Variants in PPP3CA observed in about 807,000 individuals in gnomAD.
The protein encoded by PPP3CA is CAM-PRP catalytic subunit.
A neutral mutation model predicts 66.5 loss-of-function variants in PPP3CA; 14 were observed. The observed-to-expected ratio is 0.21, with a 90% CI of 0.14 to 0.33. The LOEUF is 0.33. Ranked by LOEUF, PPP3CA falls within the 10% of genes least tolerant of loss-of-function variation. The pLI is 1.00. For synonymous variants in PPP3CA, 232 were observed against 226.2 expected (o/e 1.03, Z -0.23); for missense variants, 317 against 639.5 (o/e 0.50, Z 5.44).
Position 101,095,194 on chromosome 4 carries a change from G to A in PPP3CA, c.643-1279C>T, listed in dbSNP as rs562129560. On this transcript the variant is annotated intron_variant, in intron 5 of 13. Coordinates refer to ENST00000394854, the MANE Select transcript of PPP3CA (RefSeq NM_000944.5). ...AGAGATTTAAATAATTTATGCTCTT[G>A]GAACAATACATTCAAGAAAAATAAT... Among the ~76,000 whole-genome samples the A allele has an allele frequency of 2.0e-5, 3 of 152,016 alleles. No individual in the cohort carries two copies. In the East Asian group the frequency reaches 5.8e-4, roughly 29 times the overall value.
chr4:101,051,949 T>C (rs968739511), intron 10 of PPP3CA, among the ~76,000 whole-genome samples: 2 of 152,248 alleles, frequency 1.3e-5, no homozygotes, highest in South Asian at 2.1e-4. Context: ...TTTTGTAATA[T>C]TACCTTACTG....
intron 2 of PPP3CA, among the ~76,000 whole-genome samples, chr4:101,138,248 T>C (rs895767192): frequency 1.7e-4 from 26 of 152,244 alleles, no homozygotes; most frequent in African/African-American, 6.0e-4. Flanking sequence ...GGCTTGAGCT[T>C]TGATATTTAC....
chr4:101,298,431 A>C (rs1331179141), intron 1 of PPP3CA, among the ~76,000 whole-genome samples: 1 of 151,522 alleles, frequency 6.6e-6, no homozygotes, highest in Non-Finnish European at 1.5e-5. Flanking sequence ...TTTTTCATTA[A>C]GTTATACAGA....
At chr4:101,027,042 T>C (rs528708103) in intron 13 of PPP3CA, among the ~76,000 whole-genome samples, 5 of 152,184 alleles carry the variant, frequency 3.3e-5, no homozygotes, top group Non-Finnish European at 7.4e-5. Flanking sequence ...GTAAGGCATT[T>C]GTACAAAAAA....
intron 1 of PPP3CA, among the ~76,000 whole-genome samples, chr4:101,212,123 T>C (rs1725316255): frequency 6.6e-6 from 1 of 152,186 alleles, no homozygotes; most frequent in South Asian, 2.1e-4. Context: ...TTCAGTGAAT[T>C]CCCACAGGAT....
At chr4:101,252,127 C>G (rs188655433) in intron 1 of PPP3CA, among the ~76,000 whole-genome samples, 3 of 152,112 alleles carry the variant, frequency 2.0e-5, no homozygotes, top group Non-Finnish European at 4.4e-5. Context: ...ATAAAGAAAG[C>G]GAGGTTTGAA....
chr4:101,191,354 AG>A (rs761384678), intron 2 of PPP3CA, among the ~76,000 whole-genome samples: 5 of 152,206 alleles, frequency 3.3e-5, no homozygotes, highest in Non-Finnish European at 7.3e-5. Flanking sequence ...AACAGATCAA[AG>A]GACTTTGGCT....
chr4:101,139,696 G>GT (rs372257350), intron 2 of PPP3CA, among the ~76,000 whole-genome samples: 28,201 of 98,986 alleles, frequency 0.28, 3,594 homozygotes, highest in South Asian at 0.41. Flanking sequence ...TTTTTTTTGT[G>GT]TTTTTTTTTT....
chr4:101,261,829 C>T (rs1424905591), intron 1 of PPP3CA, among the ~76,000 whole-genome samples: 1 of 151,692 alleles, frequency 6.6e-6, no homozygotes, highest in Non-Finnish European at 1.5e-5. Context: ...AACTTACAGT[C>T]AATGTGTGTT....
At chr4:101,267,307 T>C (rs1382701348) in intron 1 of PPP3CA, among the ~76,000 whole-genome samples, 1 of 152,206 alleles carries the variant, frequency 6.6e-6, no homozygotes, top group Non-Finnish European at 1.5e-5. Flanking sequence ...CAAGCCAATG[T>C]AACACATAAT....
At chr4:101,110,445 C>T (rs1353464018) in intron 2 of PPP3CA, among the ~76,000 whole-genome samples, 1 of 152,126 alleles carries the variant, frequency 6.6e-6, no homozygotes, top group Admixed American at 6.5e-5. Context: ...GCACTATAAG[C>T]ATGAAGTAGG....
chr4:101,150,400 T>C (rs1204917644), intron 2 of PPP3CA, among the ~76,000 whole-genome samples: 1 of 152,156 alleles, frequency 6.6e-6, no homozygotes, highest in Non-Finnish European at 1.5e-5. Context: ...ATAGAAGACA[T>C]AGGTAAAACA....
At chr4:101,169,289 A>ACC (rs1272758515) in intron 2 of PPP3CA, among the ~76,000 whole-genome samples, 3 of 152,194 alleles carry the variant, frequency 2.0e-5, no homozygotes, top group African/African-American at 7.2e-5. Context: ...TTTACCTTCT[A>ACC]CATGGATTTA....
At chr4:101,217,477 G>C (rs1725493590) in intron 1 of PPP3CA, among the ~76,000 whole-genome samples, 1 of 152,044 alleles carries the variant, frequency 6.6e-6, no homozygotes, top group Admixed American at 6.6e-5. Flanking sequence ...TTTACATGTT[G>C]AGTGAGTTGA....
At chr4:101,222,438 A>G (rs561326905) in intron 1 of PPP3CA, among the ~76,000 whole-genome samples, 1 of 151,660 alleles carries the variant, frequency 6.6e-6, no homozygotes, top group East Asian at 1.9e-4. Flanking sequence ...CTTTTTAGCC[A>G]TTGTTTTTTT....
At chr4:101,331,204 T>A (rs1729374769) in intron 1 of PPP3CA, among the ~76,000 whole-genome samples, 1 of 152,168 alleles carries the variant, frequency 6.6e-6, no homozygotes, top group South Asian at 2.1e-4. Flanking sequence ...AGGATCTGAG[T>A]CACGACTTGG....
rs370681817 is a variant in PPP3CA, at chr4:101,080,514, G to A, written c.955+18C>T. ...CACATATTATGTAAGACTGCAAGAG[G>A]TATTTAAAAACACTTACCTTTGTTA... On this transcript the variant is annotated intron_variant, in intron 8 of 13. Coordinates refer to ENST00000394854, the MANE Select transcript of PPP3CA (RefSeq NM_000944.5). The A allele has an allele frequency of 1.4e-5, 18 of 1,293,398 alleles. 1 individual carries two copies. In the South Asian group the frequency reaches 2.7e-4, roughly 20 times the overall value. The allele number at this position is 1,293,398 out of a possible 1,614,324, so 80.1% of individuals were successfully genotyped here. A position where few individuals can be genotyped will look rare whatever the true frequency, so the allele number is the denominator to read the frequency against.
At chr4:101,280,563 T>C (rs1485172843) in intron 1 of PPP3CA, among the ~76,000 whole-genome samples, 1 of 152,118 alleles carries the variant, frequency 6.6e-6, no homozygotes, top group Non-Finnish European at 1.5e-5. Context: ...CTCATGCCTG[T>C]AATCCCAGCA....
chr4:101,213,246 A>G (rs1475675910), intron 1 of PPP3CA, among the ~76,000 whole-genome samples: 2 of 152,164 alleles, frequency 1.3e-5, no homozygotes, highest in Admixed American at 6.6e-5. Flanking sequence ...CTTATTCCTG[A>G]TTTCTATTAA....
Sources: gnomAD v4.1 joint callset for allele counts (sites outside exome capture counted in the v4.1 genomes callset) on GRCh38, gnomAD v4.1.1 for gene constraint, MANE v1.5 for transcripts, NCBI Gene and HGNC (gene_info 2026-07-23, HGNC 2026-07-21) for gene names.